The following UBE3D variants were observed in gnomAD, a reference collection of about 807,000 sequenced individuals.
The protein encoded by UBE3D is ubiquitin protein ligase E3D.
Under a neutral mutation model 49.6 loss-of-function variants are expected in UBE3D, and 48 were observed. That is an observed-to-expected ratio of 0.97 (90% CI 0.77 to 1.23). UBE3D has a LOEUF of 1.23. Ranked by LOEUF, UBE3D falls within the 50% of genes most tolerant of loss-of-function variation. UBE3D has a pLI of 0.00. For missense variants in UBE3D, 452 were observed against 468.4 expected, an observed-to-expected ratio of 0.96 and a Z score of 0.32; for synonymous variants, 189 against 174.2, an observed-to-expected ratio of 1.08 and a Z score of -0.67.
chr6:82,887,394 T>TGTTTTGTTTTGTTTTG (rs764187205), downstream of UBE3D, among the ~76,000 whole-genome samples: 21,549 of 131,418 alleles, frequency 0.16, 2,530 homozygotes, highest in Admixed American at 0.29. Context: ...TAACAGTTTT[T>TGTTTTGTTTTGTTTTG]TTTTTTTTTT....
At chr6:82,941,498 G>A (rs941959143) in intron 9 of UBE3D, among the ~76,000 whole-genome samples, 1 of 147,206 alleles carries the variant, frequency 6.8e-6, no homozygotes, top group Admixed American at 6.9e-5. Context: ...GCCCATTGTT[G>A]CTACTTACCT....
chr6:82,967,767 G>A (rs1485843305), intron 8 of UBE3D, among the ~76,000 whole-genome samples: 1 of 151,610 alleles, frequency 6.6e-6, no homozygotes, highest in African/African-American at 2.4e-5. Context: ...TTAACCTCCT[G>A]AGAAGCTGAT....
intron 8 of UBE3D, among the ~76,000 whole-genome samples, chr6:83,009,009 G>A (rs1780171525): frequency 6.6e-6 from 1 of 152,076 alleles, no homozygotes; most frequent in African/African-American, 2.4e-5. Context: ...GAATACAAGA[G>A]AACACATATG....
At chr6:83,024,065 T>C in intron 5 of UBE3D, 27 bp from the exon 6 acceptor site, 3 of 1,338,808 alleles carry the variant, frequency 2.2e-6, no homozygotes, top group Non-Finnish European at 3.1e-6. Flanking sequence ...AAATTAAGAC[T>C]CTCCCCAATA....
At chr6:82,890,936 T>C (rs1197184091), downstream of UBE3D, among the ~76,000 whole-genome samples, 2 of 152,200 alleles carry the variant, frequency 1.3e-5, no homozygotes, top group African/African-American at 2.4e-5. Context: ...TTCTTTTTTA[T>C]GCACAGGCTG....
chr6:83,000,993 T>C (rs971328390), intron 8 of UBE3D, among the ~76,000 whole-genome samples: 29 of 152,194 alleles, frequency 1.9e-4, no homozygotes, highest in African/African-American at 7.0e-4. Context: ...TACAGGCATG[T>C]GCCACCACAC....
At chr6:83,016,248 G>T (rs960983061) in intron 8 of UBE3D, among the ~76,000 whole-genome samples, 4 of 152,150 alleles carry the variant, frequency 2.6e-5, no homozygotes, top group Non-Finnish European at 4.4e-5. Flanking sequence ...ACTTTGTCCA[G>T]TGAACTTAGG....
At chr6:82,950,870 C>T (rs1046600777) in intron 9 of UBE3D, among the ~76,000 whole-genome samples, 1 of 152,004 alleles carries the variant, frequency 6.6e-6, no homozygotes, top group African/African-American at 2.4e-5. Context: ...ACAAACTTTG[C>T]ATGTTCTCAC....
At chr6:82,986,953 C>G (rs1436907218) in intron 8 of UBE3D, among the ~76,000 whole-genome samples, 1 of 151,418 alleles carries the variant, frequency 6.6e-6, no homozygotes, top group Non-Finnish European at 1.5e-5. Flanking sequence ...TCCTCTCTTC[C>G]TTCCTTCACA....
In UBE3D at chr6:83,058,017, G is replaced by C. The variant is rs375701422; in HGVS notation, c.83C>G (p.Pro28Arg). The change falls in exon 2 of 10, where the codon CCG (proline) becomes CGG (arginine). Residue 28 changes from proline to arginine, a missense_variant. Transcript: ENST00000369747. The part of the protein sequence containing the change: ...LQSALLILGE[P>R]KEGGMPMNIS... ...ATTCATGGGCATACCTCCTTCTTTC[G>C]GTTCTCTGGTAATTAAAAACAAAAC... is the stretch of plus-strand genomic sequence containing the variant. 1 of 1,613,834 alleles carries C rather than the reference G, an allele frequency of 6.2e-7. No homozygotes were observed. Among genetic ancestry groups the C allele is most frequent in the Non-Finnish European group, 8.5e-7 (1 of 1,179,958 alleles).
intron 5 of UBE3D, among the ~76,000 whole-genome samples, chr6:83,033,111 G>T (rs918950372): frequency 3.3e-5 from 5 of 152,234 alleles, no homozygotes; most frequent in East Asian, 3.9e-4. Context: ...GACAATCATG[G>T]TGGCAGGCAA....
At chr6:82,978,842 ATGCAAAAACATATTT>A (rs1208640904) in intron 8 of UBE3D, among the ~76,000 whole-genome samples, 1 of 152,196 alleles carries the variant, frequency 6.6e-6, no homozygotes, top group African/African-American at 2.4e-5. Flanking sequence ...AGAGCCTAGG[ATGCAAAAACATATTT>A]TGTACTAGGT....
chr6:82,903,824 A>T (rs1443604622), intron 9 of UBE3D, among the ~76,000 whole-genome samples: 1 of 152,170 alleles, frequency 6.6e-6, no homozygotes, highest in Non-Finnish European at 1.5e-5. Context: ...ATGGCTTATG[A>T]GGAGTTTATA....
chr6:83,015,517 C>T (rs1780635219), intron 8 of UBE3D, among the ~76,000 whole-genome samples: 1 of 152,220 alleles, frequency 6.6e-6, no homozygotes, highest in South Asian at 2.1e-4. Context: ...TGATCCAACT[C>T]TATGTTCCTT....
the UBE3D span, among the ~76,000 whole-genome samples, chr6:82,885,101 G>A: frequency 2.0e-5 from 3 of 151,888 alleles, no homozygotes; most frequent in East Asian, 1.9e-4. Flanking sequence ...GACTGGAGAT[G>A]GAAAACTATG....
At chr6:82,919,343 C>A (rs193018270) in intron 9 of UBE3D, among the ~76,000 whole-genome samples, 9 of 151,964 alleles carry the variant, frequency 5.9e-5, no homozygotes, top group African/African-American at 1.7e-4. Context: ...GTGGCTCATG[C>A]CTGTAATCTC....
chr6:83,022,217 G>C (rs770463886), intron 7 of UBE3D, among the ~76,000 whole-genome samples: 37 of 152,086 alleles, frequency 2.4e-4, no homozygotes, highest in Non-Finnish European at 4.1e-4. Context: ...AGTAGAGATG[G>C]GGTTTCCCCA....
intron 8 of UBE3D, among the ~76,000 whole-genome samples, chr6:82,975,416 C>T (rs1167649169): frequency 2.0e-5 from 3 of 152,118 alleles, no homozygotes; most frequent in Non-Finnish European, 2.9e-5. Flanking sequence ...TGTAAATGTA[C>T]ATAAAGAGGT....
intron 9 of UBE3D, among the ~76,000 whole-genome samples, chr6:82,907,209 T>G (rs1442424096): frequency 6.6e-6 from 1 of 152,160 alleles, no homozygotes; most frequent in Non-Finnish European, 1.5e-5. Context: ...TTGTCAAAAC[T>G]GTGGAAGGAT....
Sources: gnomAD v4.1 joint callset for allele counts (sites outside exome capture counted in the v4.1 genomes callset) on GRCh38, gnomAD v4.1.1 for gene constraint, MANE v1.5 for transcripts, NCBI Gene and HGNC (gene_info 2026-07-23, HGNC 2026-07-21) for gene names.